OTULINL: variants seen among roughly 807,000 people sequenced by gnomAD.
OTULINL encodes inactive ubiquitin thioesterase OTULINL.
In OTULINL, 42 loss-of-function variants were observed where a neutral mutation model predicts 43.9. That is an observed-to-expected ratio of 0.96 (90% CI 0.75 to 1.24). The LOEUF is 1.24. OTULINL is among the 50% of genes most tolerant of loss of function. The pLI is 0.00. For synonymous variants in OTULINL, 172 were observed against 153.6 expected (o/e 1.12, Z -0.88); for missense variants, 411 against 426.4 (o/e 0.96, Z 0.32).
rs2126765621 is a variant in OTULINL, at chr5:14,581,975, G to A, written c.64+17G>A. 2 of 1,266,874 alleles carry A rather than the reference G, an allele frequency of 1.6e-6. No individual in the cohort carries two copies. The highest frequency in any genetic ancestry group is 3.3e-5 in the East Asian group (1 of 30,212). The allele number at this position is 1,266,874 out of a possible 1,614,324, so 78.5% of individuals were successfully genotyped here. ...CCGCCGCAGGTGAGCCTGGGGCCGG[G>A]CGGGGCGGGGCGGGGGGCGCGAGCA... On this transcript the variant is annotated intron_variant, in intron 1 of 7. Transcript: ENST00000274217.
At chr5:14,595,961 A>G (rs1759280601) in intron 1 of OTULINL, among the ~76,000 whole-genome samples, 1 of 152,176 alleles carries the variant, frequency 6.6e-6, no homozygotes, top group African/African-American at 2.4e-5. Flanking sequence ...GGTTCAGCCC[A>G]AAAATATTGA....
At chr5:14,607,179 G>A (rs910326601) in intron 5 of OTULINL, 151 bp from the exon 6 acceptor site, 11 of 773,024 alleles carry the variant, frequency 1.4e-5, no homozygotes, top group African/African-American at 9.0e-5. Context: ...GCAGTAAGCC[G>A]AGATCACGCC....
chr5:14,594,462 A>G (rs985874844), intron 1 of OTULINL, among the ~76,000 whole-genome samples: 24 of 152,222 alleles, frequency 1.6e-4, no homozygotes, highest in Admixed American at 1.5e-3. Flanking sequence ...CTAAAAGCCT[A>G]TGAGAGAGGT....
intron 4 of OTULINL, 46 bp downstream of exon 4, chr5:14,601,488 C>CA: frequency 1.3e-6 from 2 of 1,512,280 alleles, no homozygotes; most frequent in Non-Finnish European, 1.8e-6. Flanking sequence ...GTTTGTCTGT[C>CA]AAAATCAGGA....
intron 1 of OTULINL, among the ~76,000 whole-genome samples, chr5:14,595,544 T>C (rs868535326): frequency 1.3e-5 from 2 of 151,238 alleles, no homozygotes; most frequent in African/African-American, 4.9e-5. Flanking sequence ...GTGTATTTGG[T>C]TTCCTGTTTT....
intron 1 of OTULINL, among the ~76,000 whole-genome samples, chr5:14,591,626 T>C (rs1482158543): frequency 3.3e-5 from 5 of 150,304 alleles, no homozygotes; most frequent in African/African-American, 9.8e-5. Flanking sequence ...AACTTGAGAG[T>C]GAGTGAAACC....
At chr5:14,587,924 T>C (rs939880099) in intron 1 of OTULINL, among the ~76,000 whole-genome samples, 8 of 152,158 alleles carry the variant, frequency 5.3e-5, no homozygotes, top group South Asian at 2.1e-4. Flanking sequence ...CTCCTTGATA[T>C]TCCCTTTTCC....
At chr5:14,594,999 A>G (rs1414556818) in intron 1 of OTULINL, among the ~76,000 whole-genome samples, 1 of 152,128 alleles carries the variant, frequency 6.6e-6, no homozygotes, top group Non-Finnish European at 1.5e-5. Flanking sequence ...GCAGATAGAA[A>G]TACCTGTTGT....
rs1324687725 is a variant in OTULINL, at chr5:14,613,121, A to G, written c.*2807A>G. ...GTGTTTTTAGTAGAAACGGGGTTTCACCATTTAGCCAGGCTGATCTGAACT... is the reference window on the plus strand; with the variant it reads ...GTGTTTTTAGTAGAAACGGGGTTTCGCCATTTAGCCAGGCTGATCTGAACT... On this transcript the variant is annotated 3_prime_UTR_variant, in exon 8 of 8. Coordinates refer to ENST00000274217, the MANE Select transcript of OTULINL (RefSeq NM_019018.3). Among the ~76,000 whole-genome samples the G allele has an allele frequency of 6.6e-6, 1 of 152,108 alleles. No homozygotes were observed. Among genetic ancestry groups the G allele is most frequent in the African/African-American group, 2.4e-5 (1 of 41,408 alleles).
At chr5:14,600,589 G>C (rs1000501393) in intron 1 of OTULINL, among the ~76,000 whole-genome samples, 1 of 152,218 alleles carries the variant, frequency 6.6e-6, no homozygotes, top group African/African-American at 2.4e-5. Context: ...AGCCAAGTCA[G>C]TGTTTTCACA....
At chr5:14,582,218 C>T (rs928237414) in intron 1 of OTULINL, among the ~76,000 whole-genome samples, 8 of 151,928 alleles carry the variant, frequency 5.3e-5, no homozygotes, top group South Asian at 2.1e-4. Context: ...CTGCTTAGGT[C>T]GCCTGCCCGG....
chr5:14,608,204 T>C (rs894827309), intron 6 of OTULINL, among the ~76,000 whole-genome samples: 1 of 152,260 alleles, frequency 6.6e-6, no homozygotes, highest in Non-Finnish European at 1.5e-5. Context: ...AATTTCTTAT[T>C]GTAAACATTT....
intron 3 of OTULINL, 53 bp downstream of exon 3, chr5:14,601,297 A>C: frequency 6.2e-7 from 1 of 1,610,008 alleles, no homozygotes; most frequent in Non-Finnish European, 8.5e-7. Flanking sequence ...GAGAGGGTTC[A>C]AGAAGGGAGA....
intron 1 of OTULINL, among the ~76,000 whole-genome samples, chr5:14,584,254 G>A (rs963565381): frequency 6.6e-6 from 1 of 152,128 alleles, no homozygotes; most frequent in Admixed American, 6.5e-5. Flanking sequence ...CAGCTCTGCT[G>A]TGGTTCTCTC....
Position 14,614,631 on chromosome 5 carries a change from G to C in OTULINL, c.*4317G>C, listed in dbSNP as rs377394873. Reference sequence around the variant, plus strand: ...CTCACTCACGTATTCAGCCACGTATGGTCTGGAGTGCTCTGTAGAACAGCC... The same window carrying C: ...CTCACTCACGTATTCAGCCACGTATCGTCTGGAGTGCTCTGTAGAACAGCC... On this transcript the variant is annotated 3_prime_UTR_variant, in exon 8 of 8. Coordinates refer to ENST00000274217, the MANE Select transcript of OTULINL (RefSeq NM_019018.3). The C allele has an allele frequency of 1.1e-4, 44 of 398,628 alleles. No homozygotes were observed. The South Asian group carries it at 5.5e-3, about 50-fold the overall frequency. The allele number at this position is 398,628 out of a possible 1,614,324, so 24.7% of individuals were successfully genotyped here.
rs16903571 is a variant in OTULINL, at chr5:14,609,147, C to T, written c.897+130C>T. 3.2e-3 allele frequency: 2,901 copies of T among 911,744 alleles called. 55 individuals carry two copies. The African/African-American group carries it at 0.04, about 13-fold the overall frequency. 56.5% of individuals were successfully genotyped at this position (911,744 alleles called of 1,614,324 possible). On this transcript the variant is annotated intron_variant, in intron 7 of 7. Coordinates refer to ENST00000274217, the MANE Select transcript of OTULINL (RefSeq NM_019018.3). ...CACAGAGGTGGTTGATTGATATTAT[C>T]GCCCCTCAAATGAGGAAAAGAAGAC... is the stretch of plus-strand genomic sequence containing the variant.
chr5:14,600,974 A>AAGTTCAC lies in OTULINL; in HGVS notation c.75_81dup (p.Trp29SerfsTer69). 7.1e-7 allele frequency: 1 copy of AAGTTCAC among 1,410,802 alleles called. No homozygotes were observed. The highest frequency in any genetic ancestry group is 9.3e-7 in the Non-Finnish European group (1 of 1,077,776). 87.4% of individuals were successfully genotyped at this position (1,410,802 alleles called of 1,614,324 possible). On this transcript the variant is annotated frameshift_variant, in exon 2 of 8. Coordinates refer to ENST00000274217, the MANE Select transcript of OTULINL (RefSeq NM_019018.3). LOFTEE classifies it high-confidence loss of function. Reference sequence around the variant, plus strand: ...TTTGTAATTTTCATAGGAAGTGACCAAGTTCACTCCTGGATGCTAGCTACA... The same window carrying AAGTTCAC: ...TTTGTAATTTTCATAGGAAGTGACCAAGTTCACAGTTCACTCCTGGATGCTAGCTACA...
intron 1 of OTULINL, among the ~76,000 whole-genome samples, chr5:14,599,344 C>A (rs981685472): frequency 1.3e-5 from 2 of 152,022 alleles, no homozygotes; most frequent in African/African-American, 4.8e-5. Flanking sequence ...AAAAACTAGT[C>A]GGGCATGGTG....
intron 5 of OTULINL, among the ~76,000 whole-genome samples, chr5:14,602,610 A>AT (rs1363127080): frequency 1.3e-5 from 2 of 151,822 alleles, no homozygotes; most frequent in South Asian, 2.1e-4. Flanking sequence ...TAATTTCTGT[A>AT]TTTTTTTGTA....
Sources: gnomAD v4.1 joint callset for allele counts (sites outside exome capture counted in the v4.1 genomes callset) on GRCh38, gnomAD v4.1.1 for gene constraint, MANE v1.5 for transcripts, NCBI Gene and HGNC (gene_info 2026-07-23, HGNC 2026-07-21) for gene names.